Variants in DSCAM observed in about 807,000 individuals in gnomAD.
The protein encoded by DSCAM is DS cell adhesion molecule, also known as cell adhesion molecule DSCAM.
Under a neutral mutation model 217.7 loss-of-function variants are expected in DSCAM, and 47 were observed. The ratio of observed to expected loss-of-function variants is 0.22; its 90% CI spans 0.17 to 0.28. The LOEUF (loss-of-function observed/expected upper bound fraction) is 0.28, where lower values mean the gene tolerates loss of function less well. Among genes scored for constraint, DSCAM ranks in the 10% least tolerant of loss-of-function variants. The probability of loss-of-function intolerance (pLI) is 1.00; values close to 1 mark genes in which losing one functional copy is unlikely to be tolerated. For missense variants in DSCAM, 2,080 were observed against 2,618.3 expected (o/e 0.79, Z 4.49); for synonymous variants, 1,056 against 1,015.3 (o/e 1.04, Z -0.76).
intron 11 of DSCAM, among the ~76,000 whole-genome samples, chr21:40,227,095 C>T (rs1266190402): frequency 1.3e-5 from 2 of 152,096 alleles, no homozygotes; most frequent in South Asian, 2.1e-4. Context: ...TGCTTTATAG[C>T]TGCATAGTAT....
At chr21:40,076,880 G>A (rs2089372825) in intron 26 of DSCAM, among the ~76,000 whole-genome samples, 1 of 152,224 alleles carries the variant, frequency 6.6e-6, no homozygotes. Flanking sequence ...TCAAATGTGT[G>A]CTGGTTAACA....
Position 40,061,524 on chromosome 21 carries a change from G to A in DSCAM, c.4919+1345C>T, listed in dbSNP as rs542599720. Among the ~76,000 whole-genome samples, 12 of 146,840 alleles carry A rather than the reference G, an allele frequency of 8.2e-5. No homozygotes were observed. In the East Asian group the frequency reaches 1.4e-3, roughly 17 times the overall value. Reference sequence around the variant, plus strand: ...GCGGAGGTTGCAGTGAGCCAAGACCGCACCATTGCACTCCAGCCTGGGCGA... The same window carrying A: ...GCGGAGGTTGCAGTGAGCCAAGACCACACCATTGCACTCCAGCCTGGGCGA... On this transcript the variant is annotated intron_variant, in intron 28 of 32. Coordinates refer to ENST00000400454, the MANE Select transcript of DSCAM (RefSeq NM_001389.5).
At chr21:40,137,145 A>G (rs2090219556) in intron 18 of DSCAM, among the ~76,000 whole-genome samples, 1 of 145,660 alleles carries the variant, frequency 6.9e-6, no homozygotes, top group South Asian at 2.2e-4. Context: ...ACTGCACTCC[A>G]GCCTGGGCGA....
At chr21:40,103,339 T>A (rs2089778599) in intron 20 of DSCAM, among the ~76,000 whole-genome samples, 1 of 151,966 alleles carries the variant, frequency 6.6e-6, no homozygotes, top group African/African-American at 2.4e-5. Flanking sequence ...AAAAAAAAAC[T>A]CCCCCAAGCA....
At chr21:40,550,146 C>G (rs2076617905) in intron 3 of DSCAM, among the ~76,000 whole-genome samples, 1 of 152,180 alleles carries the variant, frequency 6.6e-6, no homozygotes, top group African/African-American at 2.4e-5. Flanking sequence ...CACCGAGCCC[C>G]AGGCCTGACA....
chr21:40,129,358 C>T (rs1329561487), intron 19 of DSCAM, among the ~76,000 whole-genome samples: 2 of 152,236 alleles, frequency 1.3e-5, no homozygotes, highest in Non-Finnish European at 2.9e-5. Flanking sequence ...CCTTTCCTCT[C>T]ACTAGAGCAA....
rs550671718 is a variant in DSCAM, at chr21:40,424,692, GT to G, written c.509-55448del. ...ATCTATTTCCAGAATATAATCAAAG[GT>G]TCAACAACGATATGCCTGAGGACAT... On this transcript the variant is annotated intron_variant, in intron 3 of 32. Coordinates refer to ENST00000400454, the MANE Select transcript of DSCAM (RefSeq NM_001389.5). 3.9e-3 allele frequency among the ~76,000 whole-genome samples: 593 copies of G among 152,256 alleles called. 1 individual carries two copies. The highest frequency in any genetic ancestry group is 6.5e-3 in the Non-Finnish European group (444 of 68,008).
chr21:40,436,617 T>G (rs895264946), intron 3 of DSCAM, among the ~76,000 whole-genome samples: 3 of 152,156 alleles, frequency 2.0e-5, no homozygotes, highest in African/African-American at 7.2e-5. Flanking sequence ...TGAGACTTGT[T>G]TGGCAGAACA....
At chr21:40,543,124 G>GT (rs2076554720) in intron 3 of DSCAM, among the ~76,000 whole-genome samples, 1 of 152,186 alleles carries the variant, frequency 6.6e-6, no homozygotes, top group Non-Finnish European at 1.5e-5. Flanking sequence ...TACAAAATAT[G>GT]TTTAAGTATT....
intron 30 of DSCAM, among the ~76,000 whole-genome samples, chr21:40,051,191 T>A (rs2088925261): frequency 2.0e-5 from 3 of 152,188 alleles, no homozygotes; most frequent in Admixed American, 6.5e-5. Context: ...GACGTCAAAG[T>A]TTCCAAAATG....
At chr21:40,028,722 C>T (rs1035095598) in intron 32 of DSCAM, among the ~76,000 whole-genome samples, 15 of 152,132 alleles carry the variant, frequency 9.9e-5, no homozygotes, top group South Asian at 2.1e-4. Context: ...GCACAGTGTG[C>T]GCACCCACTG....
chr21:40,037,355 A>C (rs898873472), intron 32 of DSCAM, among the ~76,000 whole-genome samples: 1 of 149,704 alleles, frequency 6.7e-6, no homozygotes, highest in Admixed American at 6.6e-5. Context: ...AGTCACAAGC[A>C]TTCTTATACA....
At chr21:40,361,288 G>C (rs1248566947) in intron 4 of DSCAM, among the ~76,000 whole-genome samples, 1 of 152,154 alleles carries the variant, frequency 6.6e-6, no homozygotes, top group East Asian at 1.9e-4. Flanking sequence ...TTTCTTGATA[G>C]TTTTACTTTG....
At chr21:40,308,324 C>T (rs1213764284) in intron 9 of DSCAM, among the ~76,000 whole-genome samples, 4 of 152,080 alleles carry the variant, frequency 2.6e-5, no homozygotes, top group Non-Finnish European at 2.9e-5. Context: ...TCTAGAGTAA[C>T]CCTTATGCTG....
At chr21:40,653,170 C>T (rs749745932) in intron 3 of DSCAM, among the ~76,000 whole-genome samples, 3 of 152,332 alleles carry the variant, frequency 2.0e-5, no homozygotes, top group Admixed American at 6.5e-5. Flanking sequence ...TAAACTATAA[C>T]CTTAACAACA....
chr21:40,675,743 C>T (rs1319570234), intron 3 of DSCAM, among the ~76,000 whole-genome samples: 10 of 152,224 alleles, frequency 6.6e-5, no homozygotes, highest in Non-Finnish European at 2.9e-5. Flanking sequence ...AATAATTTTA[C>T]TGAACCTTCA....
intron 3 of DSCAM, among the ~76,000 whole-genome samples, chr21:40,562,807 C>T (rs919135706): frequency 6.6e-6 from 1 of 152,106 alleles, no homozygotes; most frequent in African/African-American, 2.4e-5. Flanking sequence ...AGGAAATGAT[C>T]CCTGGCTGCA....
chr21:40,203,616 A>G (rs2142130), intron 11 of DSCAM, among the ~76,000 whole-genome samples: 6,394 of 152,346 alleles, frequency 0.042, 216 homozygotes, highest in East Asian at 0.13. Flanking sequence ...TTATGTTCTG[A>G]ATCATCTATC....
rs1463733186 is a variant in DSCAM, at chr21:40,642,055, AAAAAC to A, written c.508+50750_508+50754del. Reference sequence around the variant, plus strand: ...GAGACTCTGTCTCAAAAAAAAAAAAAAAAACAAAGATTATATTCATGTATTCCTGT... The same window carrying A: ...GAGACTCTGTCTCAAAAAAAAAAAAAAAAGATTATATTCATGTATTCCTGT... On this transcript the variant is annotated intron_variant, in intron 3 of 32. Transcript: ENST00000400454. 7.0e-3 allele frequency among the ~76,000 whole-genome samples: 1,030 copies of A among 146,664 alleles called. 15 individuals carry two copies. The highest frequency in any genetic ancestry group is 0.022 in the African/African-American group (868 of 39,896).
Sources: allele counts gnomAD v4.1 joint callset (sites outside exome capture counted in the v4.1 genomes callset), GRCh38; gene constraint gnomAD v4.1.1; transcripts MANE v1.5; gene names NCBI Gene and HGNC (gene_info 2026-07-23, HGNC 2026-07-21).